The following PTPRN2 variants were observed in gnomAD, a reference collection of about 807,000 sequenced individuals.
The protein encoded by PTPRN2 is protein tyrosine phosphatase receptor type N2.
Under a neutral mutation model 118.8 loss-of-function variants are expected in PTPRN2, and 74 were observed. The observed-to-expected ratio is 0.62, with a 90% CI of 0.52 to 0.76. The LOEUF (loss-of-function observed/expected upper bound fraction) is 0.76, where lower values mean the gene tolerates loss of function less well. Ranked by LOEUF, PTPRN2 falls within the 30% of genes least tolerant of loss-of-function variation. The probability of loss-of-function intolerance (pLI) is 0.00; values close to 1 mark genes in which losing one functional copy is unlikely to be tolerated. For synonymous variants in PTPRN2, 641 were observed against 608.0 expected (o/e 1.05, Z -0.80); for missense variants, 1,481 against 1,394.4 (o/e 1.06, Z -0.99).
intron 12 of PTPRN2, among the ~76,000 whole-genome samples, chr7:157,859,951 AG>A (rs1810096240): frequency 9.3e-6 from 1 of 107,502 alleles, no homozygotes; most frequent in Non-Finnish European, 1.9e-5. Flanking sequence ...AGAGCCCCCC[AG>A]CCACTGTACA....
chr7:158,077,243 T>C (rs972547906), intron 11 of PTPRN2, among the ~76,000 whole-genome samples: 1 of 152,072 alleles, frequency 6.6e-6, no homozygotes, highest in African/African-American at 2.4e-5. Context: ...CCGCTACATA[T>C]GAGACGTGAA....
intron 11 of PTPRN2, among the ~76,000 whole-genome samples, chr7:157,962,698 A>G (rs1801631499): frequency 6.6e-6 from 1 of 152,186 alleles, no homozygotes; most frequent in African/African-American, 2.4e-5. Flanking sequence ...GTTTTCAGTG[A>G]CAAGCATAGG....
rs77703965 is a variant in PTPRN2 at position 158,317,487 on chromosome 7, A to C, written c.164-555T>G. Among the ~76,000 whole-genome samples, 1,361 of 152,296 alleles carry C rather than the reference A, an allele frequency of 8.9e-3. 20 individuals are homozygous for C. Among genetic ancestry groups the C allele is most frequent in the African/African-American group, 0.031 (1,288 of 41,570 alleles). On this transcript the variant is annotated intron_variant, in intron 2 of 22. Transcript: ENST00000389418. ...GTGTGGGACTAATGGGGACTAATTTATTTAGCTCGATTCCATTTGTCTGAA... is the reference window on the plus strand; with the variant it reads ...GTGTGGGACTAATGGGGACTAATTTCTTTAGCTCGATTCCATTTGTCTGAA...
intron 12 of PTPRN2, among the ~76,000 whole-genome samples, chr7:157,748,109 C>G (rs1164687992): frequency 6.7e-6 from 1 of 148,270 alleles, no homozygotes; most frequent in Non-Finnish European, 1.5e-5. Context: ...CTGAGGCCTG[C>G]GTCCCTGAGC....
intron 14 of PTPRN2, among the ~76,000 whole-genome samples, chr7:157,623,368 G>A (rs1803381215): frequency 6.6e-6 from 1 of 152,124 alleles, no homozygotes; most frequent in African/African-American, 2.4e-5. Context: ...TAGGTAGGTC[G>A]AAAATGGTTC....
chr7:158,281,800 T>G (rs1213334407), intron 3 of PTPRN2, among the ~76,000 whole-genome samples: 1 of 152,210 alleles, frequency 6.6e-6, no homozygotes, highest in African/African-American at 2.4e-5. Context: ...TTGACAAAGG[T>G]CTGAGTCAAC....
At chr7:158,005,248 A>G (rs1805557686) in intron 11 of PTPRN2, among the ~76,000 whole-genome samples, 1 of 151,448 alleles carries the variant, frequency 6.6e-6, no homozygotes, top group Non-Finnish European at 1.5e-5. Context: ...CGAATTTTGT[A>G]TTTTTAGTAG....
At chr7:157,742,027 G>A (rs1020999915) in intron 12 of PTPRN2, among the ~76,000 whole-genome samples, 1 of 152,200 alleles carries the variant, frequency 6.6e-6, no homozygotes, top group African/African-American at 2.4e-5. Flanking sequence ...TGTGTGGATG[G>A]TCTGGCCCTG....
At chr7:157,851,703 C>A (rs963696112) in intron 12 of PTPRN2, among the ~76,000 whole-genome samples, 22 of 152,354 alleles carry the variant, frequency 1.4e-4, no homozygotes, top group Non-Finnish European at 2.1e-4. Context: ...CTAACAAAAC[C>A]CCTGAGCAAT....
intron 4 of PTPRN2, among the ~76,000 whole-genome samples, chr7:158,197,216 G>C (rs925444282): frequency 6.6e-6 from 1 of 152,176 alleles, no homozygotes; most frequent in Non-Finnish European, 1.5e-5. Context: ...ACTTCAAATA[G>C]AACATACACT....
intron 2 of PTPRN2, among the ~76,000 whole-genome samples, chr7:158,406,215 G>T (rs79212096): frequency 1.4e-5 from 2 of 146,516 alleles, no homozygotes; most frequent in African/African-American, 5.1e-5. Flanking sequence ...TGGCTCATCC[G>T]TGAGACATTT....
At chr7:158,412,074 C>A (rs565684340) in intron 2 of PTPRN2, among the ~76,000 whole-genome samples, 1 of 141,294 alleles carries the variant, frequency 7.1e-6, no homozygotes, top group African/African-American at 2.7e-5. Context: ...GCCCATCCAG[C>A]ACCCTCCTTA....
intron 5 of PTPRN2, among the ~76,000 whole-genome samples, chr7:158,170,476 T>G (rs1026705372): frequency 1.3e-5 from 2 of 152,236 alleles, no homozygotes; most frequent in Non-Finnish European, 2.9e-5. Context: ...CAGAGTGTGA[T>G]CTGTGCAGTA....
chr7:157,833,467 C>T (rs1322987557), intron 12 of PTPRN2, among the ~76,000 whole-genome samples: 15 of 148,762 alleles, frequency 1.0e-4, no homozygotes. Context: ...CCCATCCATC[C>T]CATATGATGG....
At chr7:158,271,078 ACGACCCCCTCCACCTGGG>A (rs1207655274) in intron 3 of PTPRN2, among the ~76,000 whole-genome samples, 1 of 80,686 alleles carries the variant, frequency 1.2e-5, no homozygotes, top group African/African-American at 5.2e-5. Context: ...CTCCACCTGG[ACGACCCCCTCCACCTGGG>A]CTGCCCCCTC....
At chr7:158,519,599 C>T (rs553514117) in intron 1 of PTPRN2, among the ~76,000 whole-genome samples, 1 of 152,278 alleles carries the variant, frequency 6.6e-6, no homozygotes, top group African/African-American at 2.4e-5. Flanking sequence ...CTCTCCTGCA[C>T]TCTCCATGTT....
rs75988993 is a variant in PTPRN2 at position 157,571,553 on chromosome 7, A to G, written c.2784-60T>C. The G allele has an allele frequency of 2.6e-3, 3,424 of 1,310,904 alleles. 73 individuals are homozygous for G. In the African/African-American group the frequency reaches 0.047, roughly 18 times the overall value. The allele number at this position is 1,310,904 out of a possible 1,614,324, so 81.2% of individuals were successfully genotyped here. A position where few individuals can be genotyped will look rare whatever the true frequency, so the allele number is the denominator to read the frequency against. On this transcript the variant is annotated intron_variant, in intron 19 of 22. Coordinates refer to ENST00000389418, the MANE Select transcript of PTPRN2 (RefSeq NM_002847.5). ...GTACTAAGACTTTGCGTTATCCAAA[A>G]CAACTATTAAAACAAAGCGCAAGGT...
intron 14 of PTPRN2, among the ~76,000 whole-genome samples, chr7:157,635,688 G>C (rs921483335): frequency 4.0e-5 from 6 of 151,140 alleles, no homozygotes; most frequent in African/African-American, 1.5e-4. Flanking sequence ...GGATTTTCTA[G>C]AATTTTCTCC....
At chr7:158,218,874 A>G (rs572735776) in intron 3 of PTPRN2, among the ~76,000 whole-genome samples, 1 of 152,240 alleles carries the variant, frequency 6.6e-6, no homozygotes, top group Non-Finnish European at 1.5e-5. Context: ...CAATTCAACA[A>G]GAAGACTTAA....
Sources: allele counts gnomAD v4.1 joint callset (sites outside exome capture counted in the v4.1 genomes callset), GRCh38; gene constraint gnomAD v4.1.1; transcripts MANE v1.5; gene names NCBI Gene and HGNC (gene_info 2026-07-23, HGNC 2026-07-21).